HNRNPC: variants seen among roughly 807,000 people sequenced by gnomAD.
The protein encoded by HNRNPC is heterogeneous nuclear ribonucleoproteins C1/C2.
Under a neutral mutation model 33.2 loss-of-function variants are expected in HNRNPC, and 3 were observed. The observed-to-expected ratio is 0.09, with a 90% CI of 0.04 to 0.23. HNRNPC has a LOEUF of 0.23. HNRNPC is among the 10% of genes least tolerant of loss of function. The pLI is 1.00. For missense variants in HNRNPC, 143 were observed against 366.7 expected (o/e 0.39, Z 4.98); for synonymous variants, 121 against 126.7 (o/e 0.96, Z 0.30).
chr14:21,211,704 G>C (rs1891625545), intron 7 of HNRNPC, 106 bp downstream of exon 7: 1 of 1,410,190 alleles, frequency 7.1e-7, no homozygotes, highest in Admixed American at 1.8e-5. Context: ...CACTCCCCAA[G>C]TTTCATATTA....
intron 2 of HNRNPC, among the ~76,000 whole-genome samples, chr14:21,246,048 TCCTGA>T (rs1320228942): frequency 2.0e-5 from 3 of 152,014 alleles, no homozygotes; most frequent in Non-Finnish European, 1.5e-5. Flanking sequence ...GCTCTCAAAT[TCCTGA>T]CCTGAGGGGA....
chr14:21,231,847 C>T (rs185168243), intron 3 of HNRNPC, among the ~76,000 whole-genome samples: 2 of 152,288 alleles, frequency 1.3e-5, no homozygotes, highest in East Asian at 3.9e-4. Flanking sequence ...AATGGTTCAG[C>T]TCATTCCGAA....
intron 2 of HNRNPC, among the ~76,000 whole-genome samples, chr14:21,235,695 T>A (rs529369858): frequency 9.9e-5 from 15 of 152,248 alleles, no homozygotes; most frequent in South Asian, 8.3e-4. Context: ...AAAAGAGGAA[T>A]TAAAACAAAA....
chr14:21,212,036 C>G, intron 6 of HNRNPC, 113 bp from the exon 7 acceptor site: 1 of 787,910 alleles, frequency 1.3e-6, no homozygotes, highest in Non-Finnish European at 2.1e-6. Context: ...CAGGGAGAAA[C>G]AGAGCCAGTA....
chr14:21,262,197 A>G (rs1878364033), intron 2 of HNRNPC, among the ~76,000 whole-genome samples: 1 of 152,196 alleles, frequency 6.6e-6, no homozygotes, highest in South Asian at 2.1e-4. Flanking sequence ...TGAAATATTA[A>G]TGAGATAAAA....
chr14:21,261,228 C>T (rs1878191940), intron 2 of HNRNPC, among the ~76,000 whole-genome samples: 1 of 151,920 alleles, frequency 6.6e-6, no homozygotes, highest in African/African-American at 2.4e-5. Flanking sequence ...GCTGCGAAGC[C>T]CTTAAACATA....
chr14:21,268,158 C>A (rs1879326879), intron 1 of HNRNPC, among the ~76,000 whole-genome samples: 1 of 152,118 alleles, frequency 6.6e-6, no homozygotes, highest in Non-Finnish European at 1.5e-5. Context: ...CAATGTGACA[C>A]TAAAGATCTA....
chr14:21,268,977 T>C (rs1389679734), intron 1 of HNRNPC, among the ~76,000 whole-genome samples: 1 of 151,992 alleles, frequency 6.6e-6, no homozygotes, highest in Non-Finnish European at 1.5e-5. Flanking sequence ...TCGACTATAT[T>C]AATGAGCATC....
intron 2 of HNRNPC, among the ~76,000 whole-genome samples, chr14:21,241,273 A>C (rs1895309106): frequency 6.6e-6 from 1 of 151,380 alleles, no homozygotes; most frequent in South Asian, 2.1e-4. Context: ...AAAAAAAAAA[A>C]AAACCACAAC....
At chr14:21,243,071 G>T (rs748746877) in intron 2 of HNRNPC, among the ~76,000 whole-genome samples, 7 of 152,172 alleles carry the variant, frequency 4.6e-5, no homozygotes, top group Admixed American at 2.0e-4. Context: ...GCTGCAATGA[G>T]CGGAGATCAA....
chr14:21,241,301 C>A (rs1338458938), intron 2 of HNRNPC, among the ~76,000 whole-genome samples: 1 of 149,848 alleles, frequency 6.7e-6, no homozygotes, highest in Non-Finnish European at 1.5e-5. Context: ...ACAAAAAAAC[C>A]TAAAGTAGCC....
chr14:21,262,303 G>A (rs1180898635), intron 2 of HNRNPC, among the ~76,000 whole-genome samples: 2 of 152,138 alleles, frequency 1.3e-5, no homozygotes, highest in Non-Finnish European at 2.9e-5. Context: ...TAAAAAAAGG[G>A]ACTCCCCAAT....
rs796443872 is a variant in HNRNPC at position 21,210,670 on chromosome 14, C to G, written c.*553G>C. ...CAACTTTAGAAAACAAATCTTAAGA[C>G]TATAACACTAATTATTTTTCTAGAG... On this transcript the variant is annotated 3_prime_UTR_variant, in exon 9 of 9. Coordinates refer to ENST00000553300, the MANE Select transcript of HNRNPC (RefSeq NM_004500.4). 1 of 152,360 alleles carries G rather than the reference C, an allele frequency of 6.6e-6. No homozygotes were observed. Among genetic ancestry groups the G allele is most frequent in the Non-Finnish European group, 1.5e-5 (1 of 68,092 alleles). The allele number at this position is 152,360 out of a possible 1,614,324, so 9.4% of individuals were successfully genotyped here. A position where few individuals can be genotyped will look rare whatever the true frequency, so the allele number is the denominator to read the frequency against.
In HNRNPC at chr14:21,224,977, T is replaced by TA. The variant is rs1893251586; in HGVS notation, c.365+5341dup. Among the ~76,000 whole-genome samples the TA allele has an allele frequency of 2.0e-5, 3 of 152,156 alleles. No homozygotes were observed. The South Asian group carries it at 6.2e-4, about 32-fold the overall frequency. On this transcript the variant is annotated intron_variant, in intron 5 of 8. Coordinates refer to ENST00000553300, the MANE Select transcript of HNRNPC (RefSeq NM_004500.4). ...CACCACATACAAAATGTGCTAAGTT[T>TA]AAAAAGTCCTCAGAAAGACCATTGA...
intron 2 of HNRNPC, among the ~76,000 whole-genome samples, chr14:21,238,509 TG>T (rs1894979497): frequency 6.6e-6 from 1 of 152,330 alleles, no homozygotes; most frequent in African/African-American, 2.4e-5. Context: ...CATACAAGCT[TG>T]GGATTTCTGT....
chr14:21,220,746 A>G (rs1454260219), intron 5 of HNRNPC, among the ~76,000 whole-genome samples: 1 of 152,212 alleles, frequency 6.6e-6, no homozygotes, highest in African/African-American at 2.4e-5. Context: ...TAAAGATCAA[A>G]GCAGGGGACT....
intron 5 of HNRNPC, among the ~76,000 whole-genome samples, chr14:21,229,628 G>A (rs989472245): frequency 1.3e-5 from 2 of 152,086 alleles, no homozygotes; most frequent in East Asian, 1.9e-4. Context: ...GGTATTTAAC[G>A]GCTGACTTGA....
At chr14:21,262,234 T>C (rs1404227735) in intron 2 of HNRNPC, among the ~76,000 whole-genome samples, 1 of 152,238 alleles carries the variant, frequency 6.6e-6, no homozygotes, top group Non-Finnish European at 1.5e-5. Context: ...AATCCAAAAA[T>C]GTCACAAACC....
intron 5 of HNRNPC, among the ~76,000 whole-genome samples, chr14:21,219,378 TTG>T (rs899607668): frequency 8.5e-5 from 13 of 152,232 alleles, no homozygotes; most frequent in African/African-American, 2.7e-4. Context: ...GTGAATTTTA[TTG>T]TGTGTTTTCT....
Sources: allele counts gnomAD v4.1 joint callset (sites outside exome capture counted in the v4.1 genomes callset), GRCh38; gene constraint gnomAD v4.1.1; transcripts MANE v1.5; gene names NCBI Gene and HGNC (gene_info 2026-07-23, HGNC 2026-07-21).